SPMIP3: variants seen among roughly 807,000 people sequenced by gnomAD.
The protein encoded by SPMIP3 is sperm microtubule inner protein 3, also known as protein SPMIP3.
chr1:244,380,970 G>A, the SPMIP3 span, among the ~76,000 whole-genome samples: 1 of 152,012 alleles, frequency 6.6e-6, no homozygotes, highest in South Asian at 2.1e-4. Flanking sequence ...CGAGACGACT[G>A]GAGCCTGATC....
chr1:244,355,008 T>A, the SPMIP3 span, among the ~76,000 whole-genome samples: 1 of 152,216 alleles, frequency 6.6e-6, no homozygotes, highest in Admixed American at 6.5e-5. Flanking sequence ...CGAAATCACG[T>A]GTCTTTTGCT....
At chr1:244,377,874 C>T in the SPMIP3 span, among the ~76,000 whole-genome samples, 4 of 152,232 alleles carry the variant, frequency 2.6e-5, no homozygotes, top group Admixed American at 6.5e-5. Flanking sequence ...GGCTCAGTCT[C>T]GGCTCACTGC....
At chr1:244,378,086 C>T in the SPMIP3 span, among the ~76,000 whole-genome samples, 1 of 152,296 alleles carries the variant, frequency 6.6e-6, no homozygotes, top group African/African-American at 2.4e-5. Context: ...GGATTACAGG[C>T]GTGAGCCACC....
the SPMIP3 span, among the ~76,000 whole-genome samples, chr1:244,387,500 G>C: frequency 1.1e-5 from 1 of 89,508 alleles, no homozygotes; most frequent in Admixed American, 1.2e-4. Context: ...ACCCAAGGTA[G>C]GAGAGTGGGT....
chr1:244,382,657 G>A, the SPMIP3 span, among the ~76,000 whole-genome samples: 4 of 136,238 alleles, frequency 2.9e-5, no homozygotes, highest in Admixed American at 1.7e-4. Context: ...AGGCTGGAGT[G>A]CAGTGGCGCA....
chr1:244,363,654 G>T, the SPMIP3 span, among the ~76,000 whole-genome samples: 63 of 152,294 alleles, frequency 4.1e-4, no homozygotes, highest in Non-Finnish European at 7.5e-4. Flanking sequence ...GCTTCCAGGA[G>T]TATTGAGTTC....
chr1:244,388,848 C>T, the SPMIP3 span: 9 of 887,474 alleles, frequency 1.0e-5, no homozygotes, highest in East Asian at 2.0e-4. Flanking sequence ...TCTTAAACCC[C>T]AAAAGTTATT....
At chr1:244,355,955 T>C in the SPMIP3 span, among the ~76,000 whole-genome samples, 1 of 151,748 alleles carries the variant, frequency 6.6e-6, no homozygotes, top group Admixed American at 6.6e-5. Context: ...TGTTTGTTCT[T>C]TTTTTTATTT....
At chr1:244,387,003 T>C in the SPMIP3 span, among the ~76,000 whole-genome samples, 1 of 152,212 alleles carries the variant, frequency 6.6e-6, no homozygotes, top group Non-Finnish European at 1.5e-5. Context: ...AATAATATAA[T>C]AAAGTTTTGT....
At chr1:244,358,893 C>A in the SPMIP3 span, among the ~76,000 whole-genome samples, 3 of 152,012 alleles carry the variant, frequency 2.0e-5, no homozygotes, top group African/African-American at 7.2e-5. Context: ...TCTATTAAGG[C>A]AACTAAAAAA....
chr1:244,363,740 C>T, the SPMIP3 span, among the ~76,000 whole-genome samples: 1 of 152,178 alleles, frequency 6.6e-6, no homozygotes, highest in African/African-American at 2.4e-5. Flanking sequence ...AGACTTCAGC[C>T]ACTGCCTTCG....
the SPMIP3 span, among the ~76,000 whole-genome samples, chr1:244,362,843 CTTTTTTTTTTTTTTTTTTTTGAG>C: frequency 8.5e-6 from 1 of 117,568 alleles, no homozygotes; most frequent in Non-Finnish European, 1.7e-5. Context: ...TCCCTGTGAA[CTTTTTTTTTTTTTTTTTTTTGAG>C]ACAGGGTCTC....
the SPMIP3 span, among the ~76,000 whole-genome samples, chr1:244,371,479 A>G: frequency 0.42 from 63,420 of 151,990 alleles, 14,078 homozygotes; most frequent in East Asian, 0.81. Context: ...CTCCTTACAC[A>G]CACCTTCCCA....
chr1:244,375,627 ATG>A, the SPMIP3 span: 1,198 of 493,002 alleles, frequency 2.4e-3, 2 homozygotes, highest in East Asian at 0.028. Context: ...CAAACTGTTA[ATG>A]TTTTTTTTTT....
the SPMIP3 span, among the ~76,000 whole-genome samples, chr1:244,373,728 CAT>C: frequency 1.7e-4 from 26 of 151,778 alleles, no homozygotes; most frequent in Admixed American, 5.2e-4. Flanking sequence ...AAAGTAAAGT[CAT>C]AGCAAAAACC....
At chr1:244,370,573 AGCTTGCAGTGAGT>A in the SPMIP3 span, among the ~76,000 whole-genome samples, 2 of 152,208 alleles carry the variant, frequency 1.3e-5, no homozygotes, top group African/African-American at 4.8e-5. Context: ...GGCACAGCAG[AGCTTGCAGTGAGT>A]GCTTTTCGTT....
chr1:244,379,313 T>C, the SPMIP3 span, among the ~76,000 whole-genome samples: 171 of 151,726 alleles, frequency 1.1e-3, no homozygotes, highest in African/African-American at 4.0e-3. Flanking sequence ...GCAATCCTCC[T>C]GGCTTAGTCT....
the SPMIP3 span, among the ~76,000 whole-genome samples, chr1:244,377,963 G>T: frequency 6.6e-6 from 1 of 152,092 alleles, no homozygotes; most frequent in Middle Eastern, 3.4e-3. Context: ...ACACCCCCAC[G>T]CCTGGCTAAT....
the SPMIP3 span, among the ~76,000 whole-genome samples, chr1:244,369,314 T>C: frequency 6.6e-6 from 1 of 152,220 alleles, no homozygotes; most frequent in East Asian, 1.9e-4. Flanking sequence ...AAATTCAGTG[T>C]GTTGTAGAAG....
Sources: gnomAD v4.1 joint callset for allele counts (sites outside exome capture counted in the v4.1 genomes callset) on GRCh38, gnomAD v4.1.1 for gene constraint, MANE v1.5 for transcripts, NCBI Gene and HGNC (gene_info 2026-07-23, HGNC 2026-07-21) for gene names.